Variants in HEMK2 observed in about 807,000 individuals in gnomAD.
HEMK2 encodes HemK methyltransferase 2, ETF1 glutamine and histone H4 lysine.
At chr21:28,618,872 C>T in the HEMK2 span, among the ~76,000 whole-genome samples, 2 of 152,064 alleles carry the variant, frequency 1.3e-5, no homozygotes, top group African/African-American at 2.4e-5. Context: ...ATGGAGTATT[C>T]CATGTACATT....
chr21:28,724,971 G>A, the HEMK2 span, among the ~76,000 whole-genome samples: 2 of 151,996 alleles, frequency 1.3e-5, no homozygotes, highest in African/African-American at 4.8e-5. Context: ...TTTGGTAGAG[G>A]CGGAGTTTTG....
the HEMK2 span, among the ~76,000 whole-genome samples, chr21:28,816,216 C>A: frequency 2.0e-5 from 3 of 152,066 alleles, no homozygotes; most frequent in African/African-American, 7.2e-5. Flanking sequence ...ATACTTTGTT[C>A]CTAGCAAACT....
the HEMK2 span, among the ~76,000 whole-genome samples, chr21:28,657,841 G>C: frequency 1.7e-3 from 262 of 152,096 alleles, no homozygotes; most frequent in African/African-American, 6.0e-3. Flanking sequence ...AAGCTTCCTA[G>C]ATAGACTTGG....
chr21:28,845,055 A>G, the HEMK2 span, among the ~76,000 whole-genome samples: 1 of 152,004 alleles, frequency 6.6e-6, no homozygotes, highest in Non-Finnish European at 1.5e-5. Context: ...TTCTACATTC[A>G]ATTTTCTAGA....
chr21:28,639,553 T>C, the HEMK2 span, among the ~76,000 whole-genome samples: 2 of 152,150 alleles, frequency 1.3e-5, no homozygotes, highest in Non-Finnish European at 2.9e-5. Flanking sequence ...CAGAAGGAAA[T>C]TCCAGAAGAG....
the HEMK2 span, among the ~76,000 whole-genome samples, chr21:28,596,755 T>C: frequency 1.3e-5 from 2 of 152,190 alleles, no homozygotes; most frequent in East Asian, 3.8e-4. Flanking sequence ...AGATGGAAGA[T>C]ACGCTAATTT....
At chr21:28,583,540 T>C in the HEMK2 span, among the ~76,000 whole-genome samples, 3 of 152,320 alleles carry the variant, frequency 2.0e-5, no homozygotes, top group Non-Finnish European at 2.9e-5. Context: ...GTCATCAAAA[T>C]GAACATCTGA....
At chr21:28,589,003 T>G in the HEMK2 span, among the ~76,000 whole-genome samples, 1 of 145,582 alleles carries the variant, frequency 6.9e-6, no homozygotes, top group Non-Finnish European at 1.5e-5. Context: ...AAAAAAGAGT[T>G]ATTGAGCCAT....
At chr21:28,649,030 G>A in the HEMK2 span, among the ~76,000 whole-genome samples, 3,517 of 149,782 alleles carry the variant, frequency 0.023, 68 homozygotes, top group Middle Eastern at 0.075. Context: ...GTGAGAACAT[G>A]CAGTGTTTGG....
At chr21:28,702,754 T>C in the HEMK2 span, among the ~76,000 whole-genome samples, 1 of 152,174 alleles carries the variant, frequency 6.6e-6, no homozygotes, top group Non-Finnish European at 1.5e-5. Context: ...AGTTTGGTGA[T>C]TTCTCAAAGA....
chr21:28,734,987 G>A, the HEMK2 span, among the ~76,000 whole-genome samples: 1 of 152,174 alleles, frequency 6.6e-6, no homozygotes, highest in Non-Finnish European at 1.5e-5. Flanking sequence ...CTGTGGGTTG[G>A]TCAGGTGGCC....
chr21:28,852,469 G>T, the HEMK2 span, among the ~76,000 whole-genome samples: 2 of 152,254 alleles, frequency 1.3e-5, no homozygotes, highest in East Asian at 3.9e-4. Context: ...GTGTCCCCTG[G>T]AGTCAATGTC....
the HEMK2 span, among the ~76,000 whole-genome samples, chr21:28,760,556 G>A: frequency 6.6e-6 from 1 of 152,142 alleles, no homozygotes; most frequent in Non-Finnish European, 1.5e-5. Context: ...TGTTTTGACT[G>A]TATCCATTAG....
At chr21:28,881,625 A>ATT in the HEMK2 span, among the ~76,000 whole-genome samples, 86 of 100,770 alleles carry the variant, frequency 8.5e-4, no homozygotes, top group African/African-American at 1.4e-3. Flanking sequence ...GAAGCCATCA[A>ATT]TTTTTTTTTT....
chr21:28,756,213 G>A, the HEMK2 span, among the ~76,000 whole-genome samples: 1 of 152,124 alleles, frequency 6.6e-6, no homozygotes, highest in Admixed American at 6.6e-5. Context: ...CTACCCTGGG[G>A]CCACCTAATG....
the HEMK2 span, among the ~76,000 whole-genome samples, chr21:28,837,874 C>T: frequency 6.6e-6 from 1 of 152,096 alleles, no homozygotes; most frequent in Admixed American, 6.5e-5. Flanking sequence ...ACTGACATCA[C>T]TGAAATATAA....
chr21:28,614,366 TGTTA>T, the HEMK2 span, among the ~76,000 whole-genome samples: 1 of 151,982 alleles, frequency 6.6e-6, no homozygotes. Context: ...TGGAGCATAA[TGTTA>T]GTTAGGATTA....
At chr21:28,822,963 T>G in the HEMK2 span, among the ~76,000 whole-genome samples, 1 of 152,170 alleles carries the variant, frequency 6.6e-6, no homozygotes, top group East Asian at 1.9e-4. Context: ...CTTTGCATTT[T>G]TGAATTTGGG....
At chr21:28,789,634 T>C in the HEMK2 span, among the ~76,000 whole-genome samples, 1 of 152,156 alleles carries the variant, frequency 6.6e-6, no homozygotes, top group Non-Finnish European at 1.5e-5. Flanking sequence ...TGATATCAAG[T>C]CCTACTTAAA....
Sources: allele counts gnomAD v4.1 joint callset (sites outside exome capture counted in the v4.1 genomes callset), GRCh38; gene constraint gnomAD v4.1.1; transcripts MANE v1.5; gene names NCBI Gene and HGNC (gene_info 2026-07-23, HGNC 2026-07-21).